Variants in HCRTR2 observed in about 807,000 individuals in gnomAD.
The protein encoded by HCRTR2 is orexin receptor type 2.
A neutral mutation model predicts 49.0 loss-of-function variants in HCRTR2; 22 were observed. The ratio of observed to expected loss-of-function variants is 0.45; its 90% confidence interval spans 0.32 to 0.64. The LOEUF is 0.64. Ranked by LOEUF, HCRTR2 falls within the 30% of genes least tolerant of loss-of-function variation. The probability of loss-of-function intolerance (pLI) is 0.04; values close to 1 mark genes in which losing one functional copy is unlikely to be tolerated. For missense variants in HCRTR2, 491 were observed against 559.4 expected (o/e 0.88, Z 1.23); for synonymous variants, 236 against 205.3 (o/e 1.15, Z -1.28).
chr6:55,158,138 G>A (rs1431893441), intron 1 of HCRTR2, among the ~76,000 whole-genome samples: 1 of 152,178 alleles, frequency 6.6e-6, no homozygotes, highest in Non-Finnish European at 1.5e-5. Flanking sequence ...GTTAGATAGT[G>A]AGTGCAGCCC....
intron 1 of HCRTR2, among the ~76,000 whole-genome samples, chr6:55,162,990 T>A (rs1764826683): frequency 6.6e-6 from 1 of 152,158 alleles, no homozygotes; most frequent in African/African-American, 2.4e-5. Flanking sequence ...GGCTCACGCT[T>A]GTAATCCAAG....
chr6:55,157,568 G>T (rs1012179720), intron 1 of HCRTR2, among the ~76,000 whole-genome samples: 23 of 152,220 alleles, frequency 1.5e-4, no homozygotes, highest in Non-Finnish European at 3.1e-4. Flanking sequence ...GTTACCATGG[G>T]CATTAGGCAT....
At chr6:55,257,377 GT>G (rs1227371494) in intron 3 of HCRTR2, among the ~76,000 whole-genome samples, 1 of 151,982 alleles carries the variant, frequency 6.6e-6, no homozygotes, top group African/African-American at 2.4e-5. Flanking sequence ...CTTCCAACTT[GT>G]AAGTTGGGAT....
At chr6:55,203,802 G>A (rs928522104) in intron 1 of HCRTR2, among the ~76,000 whole-genome samples, 9 of 151,750 alleles carry the variant, frequency 5.9e-5, no homozygotes, top group Non-Finnish European at 8.8e-5. Context: ...TTAGTGGCAC[G>A]AAAGACAGAT....
chr6:55,182,836 A>G (rs1360587989), intron 1 of HCRTR2, among the ~76,000 whole-genome samples: 1 of 152,216 alleles, frequency 6.6e-6, no homozygotes, highest in Non-Finnish European at 1.5e-5. Flanking sequence ...GGTCCAAATC[A>G]ATCATATCGT....
Position 55,282,229 on chromosome 6 carries a change from A to G in HCRTR2, c.1110A>G (p.Lys370=). Reference sequence around the variant, plus strand: ...TTCATTCTCTCTGTTTGCCAGGAAAATTTCGAGAGGAATTTAAAGCTGCGT... The same window carrying G: ...TTCATTCTCTCTGTTTGCCAGGAAAGTTTCGAGAGGAATTTAAAGCTGCGT... The part of the protein sequence containing the change: ...NPIIYNFLSG[K]FREEFKAAFS... Residue 370 remains lysine, a synonymous_variant, in exon 7 of 7, where the codon AAA becomes AAG. Transcript: ENST00000370862. 1 of 1,612,162 alleles carries G rather than the reference A, an allele frequency of 6.2e-7. No individual in the cohort carries two copies. Among genetic ancestry groups the G allele is most frequent in the South Asian group, 1.1e-5 (1 of 90,976 alleles).
At chr6:55,242,268 A>T (rs1766350615) in intron 1 of HCRTR2, among the ~76,000 whole-genome samples, 1 of 152,150 alleles carries the variant, frequency 6.6e-6, no homozygotes, top group Non-Finnish European at 1.5e-5. Context: ...AAGTATATTC[A>T]CCTTATAGTG....
At chr6:55,222,510 C>T (rs1386552136) in intron 1 of HCRTR2, among the ~76,000 whole-genome samples, 1 of 151,938 alleles carries the variant, frequency 6.6e-6, no homozygotes, top group East Asian at 1.9e-4. Context: ...GCCTTATTTA[C>T]AATAGTCAAG....
intron 1 of HCRTR2, among the ~76,000 whole-genome samples, chr6:55,154,927 A>G (rs9475179): frequency 0.038 from 5,840 of 151,906 alleles, 228 homozygotes; most frequent in African/African-American, 0.098. Flanking sequence ...GTAATTCTAT[A>G]TAATAGCAAC....
intron 1 of HCRTR2, among the ~76,000 whole-genome samples, chr6:55,205,269 T>C (rs1470153396): frequency 6.6e-6 from 1 of 152,116 alleles, no homozygotes; most frequent in Admixed American, 6.6e-5. Context: ...TAAATATAGA[T>C]AAATTAGAGA....
rs1054635027 is a variant in HCRTR2, at chr6:55,219,873, C to T, written c.224-28766C>T. 7.2e-5 allele frequency among the ~76,000 whole-genome samples: 11 copies of T among 151,922 alleles called. No individual in the cohort carries two copies. In the South Asian group the frequency reaches 2.3e-3, roughly 32 times the overall value. ...TAAATAAAAAAGGAGCTATTGCAAT[C>T]AAAGAGGCAGGAACAATAAAGATTT... On this transcript the variant is annotated intron_variant, in intron 1 of 6. Coordinates refer to ENST00000370862, the MANE Select transcript of HCRTR2 (RefSeq NM_001384272.1).
At chr6:55,204,883 T>C (rs952685441) in intron 1 of HCRTR2, among the ~76,000 whole-genome samples, 1 of 152,046 alleles carries the variant, frequency 6.6e-6, no homozygotes, top group African/African-American at 2.4e-5. Context: ...CCTCCTGGGC[T>C]GAAGTAATTC....
At chr6:55,139,114 T>A (rs544171143) in intron 1 of HCRTR2, among the ~76,000 whole-genome samples, 4 of 152,190 alleles carry the variant, frequency 2.6e-5, no homozygotes, top group African/African-American at 9.6e-5. Flanking sequence ...CCTTGGTGTG[T>A]TGAAAGAGAA....
At chr6:55,208,336 A>T (rs192162936) in intron 1 of HCRTR2, among the ~76,000 whole-genome samples, 4,157 of 150,958 alleles carry the variant, frequency 0.028, 206 homozygotes, top group African/African-American at 0.096. Context: ...ATAAAAAAAA[A>T]AAAAAAATAG....
intron 1 of HCRTR2, among the ~76,000 whole-genome samples, chr6:55,143,437 C>A (rs1188840399): frequency 6.6e-6 from 1 of 152,106 alleles, no homozygotes; most frequent in African/African-American, 2.4e-5. Context: ...GCCTTCCCTG[C>A]AAGATTAAAA....
At chr6:55,146,411 A>G (rs777922362) in intron 1 of HCRTR2, among the ~76,000 whole-genome samples, 11 of 152,296 alleles carry the variant, frequency 7.2e-5, no homozygotes, top group Non-Finnish European at 1.5e-4. Flanking sequence ...TTTTCACAAT[A>G]CAGATCTATG....
At chr6:55,269,087 C>CAAAAAAAAAA (rs1158724252) in intron 4 of HCRTR2, among the ~76,000 whole-genome samples, 3 of 55,740 alleles carry the variant, frequency 5.4e-5, no homozygotes, top group African/African-American at 1.5e-4. Flanking sequence ...GACTCCGTCT[C>CAAAAAAAAAA]AAAAAAAAAA....
chr6:55,207,231 C>A (rs1765617379), intron 1 of HCRTR2, among the ~76,000 whole-genome samples: 1 of 151,754 alleles, frequency 6.6e-6, no homozygotes, highest in Admixed American at 6.6e-5. Flanking sequence ...TTCACTAATA[C>A]AATAAGGAAA....
intron 1 of HCRTR2, among the ~76,000 whole-genome samples, chr6:55,200,742 T>C (rs1765498963): frequency 6.6e-6 from 1 of 152,226 alleles, no homozygotes; most frequent in Non-Finnish European, 1.5e-5. Flanking sequence ...TTGTCTGCAA[T>C]TACAGAATCA....
Sources: gnomAD v4.1 joint callset for allele counts (sites outside exome capture counted in the v4.1 genomes callset) on GRCh38, gnomAD v4.1.1 for gene constraint, MANE v1.5 for transcripts, NCBI Gene and HGNC (gene_info 2026-07-23, HGNC 2026-07-21) for gene names.